The following ARHGAP32 variants were observed in gnomAD, a reference collection of about 807,000 sequenced individuals.
The protein encoded by ARHGAP32 is Rho GTPase activating protein 32.
ARHGAP32 carries 51 observed loss-of-function variants against 186.5 expected under a neutral mutation model. That is an observed-to-expected ratio of 0.27 (90% CI 0.22 to 0.35). The LOEUF (loss-of-function observed/expected upper bound fraction) is 0.35. Among genes scored for constraint, ARHGAP32 ranks in the 10% least tolerant of loss-of-function variants. The pLI is 1.00. For missense variants in ARHGAP32, 2,186 were observed against 2,623.5 expected, an observed-to-expected ratio of 0.83 and a Z score of 3.64; for synonymous variants, 950 against 964.3, an observed-to-expected ratio of 0.99 and a Z score of 0.27.
intron 1 of ARHGAP32, among the ~76,000 whole-genome samples, chr11:129,206,908 C>CGTG (rs762130733): frequency 2.6e-5 from 4 of 152,018 alleles, no homozygotes; most frequent in Non-Finnish European, 5.9e-5. Flanking sequence ...TCCCATAGCC[C>CGTG]CTCACCCCCC....
chr11:129,079,925 G>A (rs536014506), intron 6 of ARHGAP32, among the ~76,000 whole-genome samples: 3 of 148,482 alleles, frequency 2.0e-5, no homozygotes, highest in African/African-American at 7.9e-5. Context: ...CCATGCAAAG[G>A]GACACCAAAA....
chr11:129,124,653 C>A, intron 3 of ARHGAP32, 150 bp downstream of exon 3: 1 of 550,594 alleles, frequency 1.8e-6, no homozygotes, highest in South Asian at 2.8e-5. Flanking sequence ...AGGCCTATTC[C>A]ACTGACTGCT....
At chr11:129,191,065 T>G (rs906456694) in intron 1 of ARHGAP32, among the ~76,000 whole-genome samples, 1 of 152,188 alleles carries the variant, frequency 6.6e-6, no homozygotes, top group Non-Finnish European at 1.5e-5. Context: ...CCTTCCATCA[T>G]TTAACCTAGA....
chr11:129,041,072 C>T (rs1208957299), intron 10 of ARHGAP32, 63 bp from the exon 11 acceptor site: 32 of 1,088,176 alleles, frequency 2.9e-5, no homozygotes, highest in Non-Finnish European at 4.3e-5. Flanking sequence ...GTGAACACTG[C>T]CAACTGAATT....
chr11:129,111,740 G>A (rs1364227165), intron 5 of ARHGAP32, among the ~76,000 whole-genome samples: 2 of 151,878 alleles, frequency 1.3e-5, no homozygotes, highest in African/African-American at 4.8e-5. Flanking sequence ...CCATTGTAAT[G>A]TCTATTTTTC....
In ARHGAP32 at chr11:129,090,768, T is replaced by A. The variant is rs554879813; in HGVS notation, c.531+2853A>T. ...CTTTTAGGACCTGGTAACACTGATG[T>A]TAAACTCACAAAACGTTTTATTCTG... On this transcript the variant is annotated intron_variant, in intron 6 of 22. Transcript: ENST00000682385. Among the ~76,000 whole-genome samples, 5 of 152,302 alleles carry A rather than the reference T, an allele frequency of 3.3e-5. No homozygotes were observed. In the South Asian group the frequency reaches 1.0e-3, roughly 32 times the overall value.
chr11:129,176,171 A>C (rs1943909841), intron 1 of ARHGAP32, among the ~76,000 whole-genome samples: 1 of 105,034 alleles, frequency 9.5e-6, no homozygotes, highest in Non-Finnish European at 1.9e-5. Flanking sequence ...AAACCAACAA[A>C]GATCAAAAGA....
intron 19 of ARHGAP32, among the ~76,000 whole-genome samples, chr11:128,977,602 A>C (rs1454346076): frequency 6.6e-6 from 1 of 152,074 alleles, no homozygotes; most frequent in Non-Finnish European, 1.5e-5. Flanking sequence ...CCCATATCAA[A>C]GGTTGTTATT....
At chr11:129,271,351 G>C (rs1945470216) in intron 1 of ARHGAP32, among the ~76,000 whole-genome samples, 1 of 152,118 alleles carries the variant, frequency 6.6e-6, no homozygotes, top group African/African-American at 2.4e-5. Flanking sequence ...GACTTAACAT[G>C]AGATGAGGAG....
chr11:128,971,370 T>C (rs1474583544), intron 22 of ARHGAP32: 3 of 495,540 alleles, frequency 6.1e-6, no homozygotes, highest in African/African-American at 3.8e-5. Flanking sequence ...TGGAGAACCA[T>C]TCAAAGTTTT....
rs1248735302 is a variant in ARHGAP32 at position 129,128,574 on chromosome 11, T to TCCCCTC, written c.226-3686_226-3681dup. On this transcript the variant is annotated intron_variant, in intron 2 of 22. Transcript: ENST00000682385. ...AATTTTATGATTAAAAATATTTCCCTCCCCTCCCCCTCCCCCTCCCTCTCC... is the reference window on the plus strand; with the variant it reads ...AATTTTATGATTAAAAATATTTCCCTCCCCTCCCCCTCCCCCTCCCCCTCCCTCTCC... Among the ~76,000 whole-genome samples the TCCCCTC allele has an allele frequency of 1.2e-4, 18 of 150,182 alleles. 1 individual carries two copies. In the South Asian group the frequency reaches 1.9e-3, roughly 16 times the overall value.
intron 10 of ARHGAP32, among the ~76,000 whole-genome samples, chr11:129,047,041 T>G (rs1370026470): frequency 2.0e-5 from 3 of 150,240 alleles, no homozygotes; most frequent in Non-Finnish European, 4.4e-5. Context: ...GGCAGGAGAA[T>G]GGTGTGAACC....
intron 5 of ARHGAP32, among the ~76,000 whole-genome samples, chr11:129,115,236 A>ACTG (rs1942332990): frequency 6.6e-6 from 1 of 152,132 alleles, no homozygotes; most frequent in African/African-American, 2.4e-5. Flanking sequence ...ATACTACTTT[A>ACTG]AAACTACTGA....
intron 1 of ARHGAP32, among the ~76,000 whole-genome samples, chr11:129,197,891 A>G (rs2135570435): frequency 6.6e-6 from 1 of 152,302 alleles, no homozygotes; most frequent in Admixed American, 6.5e-5. Flanking sequence ...ATTCTGGATC[A>G]TTATATATAC....
At chr11:129,132,249 CAAG>C (rs1237935656) in intron 2 of ARHGAP32, among the ~76,000 whole-genome samples, 2 of 152,148 alleles carry the variant, frequency 1.3e-5, no homozygotes, top group African/African-American at 4.8e-5. Context: ...GAGGCCAAGG[CAAG>C]AAGATCGCTT....
rs1378666595 is a variant in ARHGAP32 at position 128,973,252 on chromosome 11, T to C, written c.3254A>G (p.Asn1085Ser). The part of the protein sequence containing the change: ...RPGTSQAGYT[N>S]YGDIAVATTE... ...TGTAGCCACCGCTATGTCTCCATAA[T>C]TTGTATACCCAGCCTGAGAGGTCCC... The change falls in exon 22 of 23, where the codon AAT becomes AGT. Residue 1085 changes from asparagine to serine, a missense_variant. Asn to Ser is a conservative substitution (Grantham distance 46, BLOSUM62 1). Transcript: ENST00000682385. 7 of 1,614,196 alleles carry C rather than the reference T, an allele frequency of 4.3e-6. No homozygotes were observed. Among genetic ancestry groups the C allele is most frequent in the Non-Finnish European group, 5.9e-6 (7 of 1,180,040 alleles).
intron 1 of ARHGAP32, among the ~76,000 whole-genome samples, chr11:129,168,177 T>C (rs1323754358): frequency 2.6e-5 from 4 of 152,264 alleles, no homozygotes; most frequent in East Asian, 3.9e-4. Flanking sequence ...GCCCAGGATG[T>C]CGAGGCTGCA....
chr11:129,061,328 C>T (rs1940494248), intron 10 of ARHGAP32, among the ~76,000 whole-genome samples: 1 of 152,130 alleles, frequency 6.6e-6, no homozygotes, highest in South Asian at 2.1e-4. Flanking sequence ...GGTCTCAAAA[C>T]TGTTTAGCCA....
In ARHGAP32 at chr11:129,210,667, G is replaced by GTA. The variant is rs1260687628; in HGVS notation, c.-4-46242_-4-46241dup. ...GACATTAAGCGATCTGCACAAGGAC[G>GTA]TACTGGTGGAGCTTTGAGTCTGACT... On this transcript the variant is annotated intron_variant, in intron 1 of 6. Coordinates refer to the ARHGAP32 transcript ENST00000525234. 3.3e-5 allele frequency among the ~76,000 whole-genome samples: 5 copies of GTA among 152,246 alleles called. No individual in the cohort carries two copies. The East Asian group carries it at 9.7e-4, about 29-fold the overall frequency.
Sources: allele counts gnomAD v4.1 joint callset (sites outside exome capture counted in the v4.1 genomes callset), GRCh38; gene constraint gnomAD v4.1.1; transcripts MANE v1.5; gene names NCBI Gene and HGNC (gene_info 2026-07-23, HGNC 2026-07-21).